Variants in CDH16 observed in about 807,000 individuals in gnomAD.
CDH16 encodes cadherin 16, also known as cadherin-16.
Under a neutral mutation model 87.6 loss-of-function variants are expected in CDH16, and 79 were observed. The ratio of observed to expected loss-of-function variants is 0.90; its 90% confidence interval spans 0.75 to 1.09. CDH16 has a LOEUF of 1.09. Ranked by LOEUF, CDH16 falls within the 50% of genes least tolerant of loss-of-function variation. The pLI is 0.00. For missense variants in CDH16, 1,124 were observed against 1,071.7 expected (o/e 1.05, Z -0.68); for synonymous variants, 457 against 439.5 (o/e 1.04, Z -0.50).
chr16:66,918,011 C>T lies in CDH16; in HGVS notation c.45+10G>A. On this transcript the variant is annotated intron_variant, in intron 2 of 17. Coordinates refer to ENST00000299752, the MANE Select transcript of CDH16 (RefSeq NM_004062.4). ...AAGACCTGAAGGAGAGGGGGCAGGG[C>T]CTAGCTCACCTGGGGGACGGAGACA... 1 of 1,573,084 alleles carries T rather than the reference C, an allele frequency of 6.4e-7. No homozygotes were observed. Among genetic ancestry groups the T allele is most frequent in the Non-Finnish European group, 8.6e-7 (1 of 1,158,778 alleles).
Position 66,910,080 on chromosome 16 carries a change from G to A in CDH16, c.2181C>T (p.Tyr727=). Residue 727 remains tyrosine, a synonymous_variant, in exon 16 of 18, where the codon TAC becomes TAT. Coordinates refer to ENST00000299752, the MANE Select transcript of CDH16 (RefSeq NM_004062.4). The part of the protein sequence containing the change: ...RLQTLNGSHA[Y]LTLALHWVEP... Reference sequence around the variant, plus strand: ...CCACCCAATGCAGGGCCAAGGTGAGGTAGGCATGGGAACCTTTTGGGACAG... The same window carrying A: ...CCACCCAATGCAGGGCCAAGGTGAGATAGGCATGGGAACCTTTTGGGACAG... The A allele has an allele frequency of 1.9e-6, 3 of 1,611,704 alleles. No individual in the cohort carries two copies. Among genetic ancestry groups the A allele is most frequent in the Non-Finnish European group, 2.5e-6 (3 of 1,178,654 alleles).
Position 66,910,329 on chromosome 16 carries a change from C to A in CDH16, c.2098G>T (p.Gly700Cys). 1 of 1,613,666 alleles carries A rather than the reference C, an allele frequency of 6.2e-7. No individual in the cohort carries two copies. Among genetic ancestry groups the A allele is most frequent in the Non-Finnish European group, 8.5e-7 (1 of 1,179,796 alleles). The change falls in exon 15 of 18, where the codon GGT (glycine) becomes TGT (cysteine). Residue 700 changes from glycine to cysteine, a missense_variant. Transcript: ENST00000299752. ...SKDPDLASGH[G>C]PYSFTLGPNP... The stretch of plus-strand genomic sequence containing the variant: ...GGACCAAGGGTGAAGCTGTAGGGAC[C>A]GTGCCCACTGGCCAGATCGGGGTCC...
Position 66,912,448 on chromosome 16 carries a change from A to C in CDH16, c.1360-18T>G, listed in dbSNP as rs748319785. Reference sequence around the variant, plus strand: ...GGCCCAATCTGGAGGAGGAGGAGGGATGGTGAGCCCCCCACCAGCATCCTT... The same window carrying C: ...GGCCCAATCTGGAGGAGGAGGAGGGCTGGTGAGCCCCCCACCAGCATCCTT... On this transcript the variant is annotated intron_variant, in intron 11 of 17. Coordinates refer to ENST00000299752, the MANE Select transcript of CDH16 (RefSeq NM_004062.4). The C allele has an allele frequency of 6.2e-7, 1 of 1,613,772 alleles. No individual in the cohort carries two copies. The highest frequency in any genetic ancestry group is 8.5e-7 in the Non-Finnish European group (1 of 1,179,790).
chr16:66,916,460 G>C lies in CDH16; in HGVS notation c.130-31C>G, dbSNP rs370378664. ...GGAAATGAACAGAAGTGAAGGGAGCGGTGGCCAGGCCTGGGAGATGCCCCT... is the reference window on the plus strand; with the variant it reads ...GGAAATGAACAGAAGTGAAGGGAGCCGTGGCCAGGCCTGGGAGATGCCCCT... On this transcript the variant is annotated intron_variant, in intron 3 of 17. Transcript: ENST00000299752. This position sits in a 1 kb window ranked among gnomAD's most constrained non-coding sequence, Gnocchi z 4.1. 7 of 1,552,640 alleles carry C rather than the reference G, an allele frequency of 4.5e-6. No homozygotes were observed. Among genetic ancestry groups the C allele is most frequent in the Non-Finnish European group, 6.1e-6 (7 of 1,147,228 alleles).
At position 66,910,214 on chromosome 16, in the gene CDH16, C is replaced by A; in HGVS notation, c.2167+46G>T. 4 of 1,560,302 alleles carry A rather than the reference C, an allele frequency of 2.6e-6. No homozygotes were observed. In the South Asian group the frequency reaches 3.6e-5, roughly 14 times the overall value. ...GGTATCTCACTTCCAAGTGACACCC[C>A]CTCCCTGCCTTGGCCACAGCCTCCC... On this transcript the variant is annotated intron_variant, in intron 15 of 17. Coordinates refer to ENST00000299752, the MANE Select transcript of CDH16 (RefSeq NM_004062.4).
Position 66,915,334 on chromosome 16 carries a change from CT to C in CDH16, c.468del (p.Gly157AlafsTer12). The C allele has an allele frequency of 1.2e-6, 2 of 1,614,004 alleles. No individual in the cohort carries two copies. Among genetic ancestry groups the C allele is most frequent in the Non-Finnish European group, 1.7e-6 (2 of 1,179,992 alleles). On this transcript the variant is annotated frameshift_variant, in exon 6 of 18. Coordinates refer to ENST00000299752, the MANE Select transcript of CDH16 (RefSeq NM_004062.4). LOFTEE classifies it high-confidence loss of function. ...LFLEASDRDE[P>X]GTANSDLRFH... ...AATCGAAGATCCGAGTTGGCTGTGC[CT>C]GGCTCATCCCGGTCTGAAGCCTCAA...
Position 66,916,405 on chromosome 16 carries a change from C to G in CDH16, c.154G>C (p.Glu52Gln). The G allele has an allele frequency of 6.2e-7, 1 of 1,609,398 alleles. No homozygotes were observed. Among genetic ancestry groups the G allele is most frequent in the South Asian group, 1.1e-5 (1 of 90,664 alleles). Reference sequence around the variant, plus strand: ...TCCCCTGACAGCACGATCTGGCCTTCAGCCCCCTCACGGGGCAGCGGCAAC... The same window carrying G: ...TCCCCTGACAGCACGATCTGGCCTTGAGCCCCCTCACGGGGCAGCGGCAAC... ...TKLPLPREGA[E>Q]GQIVLSGDSG... The change falls in exon 4 of 18, where the codon GAA (glutamate) becomes CAA (glutamine). Residue 52 changes from glutamate to glutamine, a missense_variant. By Grantham distance (29) the Glu-to-Gln change is conservative (BLOSUM62 2). Coordinates refer to ENST00000299752, the MANE Select transcript of CDH16 (RefSeq NM_004062.4). The surrounding 1 kb of genome is among the most constrained non-coding windows in gnomAD (Gnocchi z 4.1).
In CDH16 at chr16:66,913,233, C is replaced by T. The variant is rs1228660123; in HGVS notation, c.952G>A (p.Ala318Thr). 1.3e-6 allele frequency: 2 copies of T among 1,581,358 alleles called. No individual in the cohort carries two copies. Among genetic ancestry groups the T allele is most frequent in the African/African-American group, 1.4e-5 (1 of 73,916 alleles). The stretch of plus-strand genomic sequence containing the variant: ...ACCAGCACGTGCAGCTCCAGAGGGG[C>T]CGCATAGTCCTCGCCATGGGAATTC... ...AQNSHGEDYA[A>T]PLELHVLVMD... The change falls in exon 9 of 18, where the codon GCC (alanine) becomes ACC (threonine). Residue 318 changes from alanine to threonine, a missense_variant. Ala to Thr is a moderately conservative substitution (Grantham distance 58). Coordinates refer to ENST00000299752, the MANE Select transcript of CDH16 (RefSeq NM_004062.4).
intron 6 of CDH16, among the ~76,000 whole-genome samples, chr16:66,914,820 G>A (rs1337073863): frequency 6.6e-6 from 1 of 152,090 alleles, no homozygotes; most frequent in Non-Finnish European, 1.5e-5. Flanking sequence ...GTAGACGGGT[G>A]AATGCGTGGC....
At chr16:66,913,672 A>G (rs1032533182) in intron 7 of CDH16, 59 bp from the exon 8 acceptor site, 15 of 1,589,406 alleles carry the variant, frequency 9.4e-6, no homozygotes, top group African/African-American at 1.3e-5. Flanking sequence ...TTTGCGCCCC[A>G]TCTGATTTCT....
At chr16:66,915,000 G>A (rs540989482) in intron 6 of CDH16, among the ~76,000 whole-genome samples, 18 of 152,196 alleles carry the variant, frequency 1.2e-4, no homozygotes, top group Middle Eastern at 3.4e-3. Flanking sequence ...CCAGGTCTCC[G>A]TGGAGTGTGG....
intron 3 of CDH16, among the ~76,000 whole-genome samples, 169 bp downstream of exon 3, chr16:66,917,473 T>C (rs994844821): frequency 2.6e-5 from 4 of 151,938 alleles, no homozygotes; most frequent in Admixed American, 1.3e-4. Context: ...GAAACACTTC[T>C]GGTCCCAAGC....
intron 2 of CDH16, 139 bp downstream of exon 2, chr16:66,917,882 C>T (rs1384375791): frequency 1.0e-6 from 1 of 969,642 alleles, no homozygotes; most frequent in Non-Finnish European, 1.5e-6. Flanking sequence ...CCCACAGTGG[C>T]TCTATAGTCC....
intron 15 of CDH16, 59 bp from the exon 16 acceptor site, chr16:66,910,152 G>C: frequency 6.4e-7 from 1 of 1,561,496 alleles, no homozygotes; most frequent in East Asian, 2.3e-5. Flanking sequence ...TCTGGGGGCT[G>C]CTCCCCCTAG....
intron 3 of CDH16, among the ~76,000 whole-genome samples, chr16:66,917,032 TC>T (rs1362590594): frequency 6.6e-6 from 1 of 151,286 alleles, no homozygotes; most frequent in Non-Finnish European, 1.5e-5. Flanking sequence ...AAAGTGGTAA[TC>T]CCAGCACTTT....
chr16:66,917,796 C>T (rs967789817), intron 2 of CDH16, 71 bp from the exon 3 acceptor site: 28 of 1,350,350 alleles, frequency 2.1e-5, no homozygotes, highest in Admixed American at 4.2e-5. Flanking sequence ...AACAGAAGAG[C>T]GGAATTTCCG....
chr16:66,911,994 G>A lies in CDH16; in HGVS notation c.1695C>T (p.Asp565=). 1 of 1,614,126 alleles carries A rather than the reference G, an allele frequency of 6.2e-7. No individual in the cohort carries two copies. The highest frequency in any genetic ancestry group is 8.5e-7 in the Non-Finnish European group (1 of 1,180,004). ...GGACACTGGCCTCGTAGCTCTCCTGGTCCAACTTGGGGGGTGGCATCACTC... is the reference window on the plus strand; with the variant it reads ...GGACACTGGCCTCGTAGCTCTCCTGATCCAACTTGGGGGGTGGCATCACTC... ...VERVMPPPKL[D]QESYEASVPI... The change falls in exon 13 of 18, where the codon GAC becomes GAT. Residue 565 remains aspartate, a synonymous_variant. Transcript: ENST00000299752.
At chr16:66,912,214 C>T (rs2145454284) in intron 12 of CDH16, 28 bp downstream of exon 12, 1 of 1,598,998 alleles carries the variant, frequency 6.3e-7, no homozygotes, top group Non-Finnish European at 8.5e-7. Context: ...CATGTGTGGG[C>T]CCCTTTCCCA....
At position 66,908,484 on chromosome 16, in the gene CDH16, A is replaced by G. The variant is rs771195731; in HGVS notation, c.2398T>C (p.Phe800Leu). ...CAGTGGGTGAAAATGAGGATGAGGA[A>G]GATTCCTGTGGGGCCCAAGAGGGAT... is the stretch of plus-strand genomic sequence containing the variant. ...LVGTLVAIGI[F>L]LILIFTHWTM... The change falls in exon 18 of 18, where the codon TTC (phenylalanine) becomes CTC (leucine). Residue 800 changes from phenylalanine (F) to leucine (L), a missense_variant. Coordinates refer to ENST00000299752, the MANE Select transcript of CDH16 (RefSeq NM_004062.4). The G allele has an allele frequency of 3.1e-6, 5 of 1,613,698 alleles. No individual in the cohort carries two copies. Among genetic ancestry groups the G allele is most frequent in the Non-Finnish European group, 4.2e-6 (5 of 1,179,736 alleles).
Sources: allele counts gnomAD v4.1 joint callset (sites outside exome capture counted in the v4.1 genomes callset), GRCh38; gene constraint gnomAD v4.1.1; non-coding constraint Gnocchi (gnomAD v3.1); transcripts MANE v1.5; gene names NCBI Gene and HGNC (gene_info 2026-07-23, HGNC 2026-07-21).